The following TMEM150C variants were observed in gnomAD, a reference collection of about 807,000 sequenced individuals.
TMEM150C encodes transmembrane protein 150C.
Under a neutral mutation model 29.9 loss-of-function variants are expected in TMEM150C, and 10 were observed. The ratio of observed to expected loss-of-function variants is 0.33; its 90% CI spans 0.21 to 0.57. The LOEUF (loss-of-function observed/expected upper bound fraction) is 0.57, where lower values mean the gene tolerates loss of function less well. TMEM150C is among the 20% of genes least tolerant of loss of function. The pLI, the probability that TMEM150C is intolerant of heterozygous loss-of-function variation, is 0.88. For synonymous variants in TMEM150C, 101 were observed against 112.5 expected (o/e 0.90, Z 0.64); for missense variants, 251 against 303.6 (o/e 0.83, Z 1.29).
chr4:82,521,059 C>A (rs1270694360), intron 1 of TMEM150C, among the ~76,000 whole-genome samples: 1 of 152,162 alleles, frequency 6.6e-6, no homozygotes, highest in African/African-American at 2.4e-5. Context: ...TGTCCCCTGT[C>A]CCGCCAGAAA....
At chr4:82,537,609 T>C (rs568107813) in intron 1 of TMEM150C, among the ~76,000 whole-genome samples, 214 of 152,300 alleles carry the variant, frequency 1.4e-3, no homozygotes, top group African/African-American at 5.0e-3. Flanking sequence ...TACCTGTGAG[T>C]GTCATCTTCT....
chr4:82,532,138 T>C (rs1177341515), intron 1 of TMEM150C, among the ~76,000 whole-genome samples: 1 of 152,238 alleles, frequency 6.6e-6, no homozygotes, highest in African/African-American at 2.4e-5. Context: ...AGCATTTGTA[T>C]AGGCTGATAA....
chr4:82,493,112 T>C (rs1455247691), intron 6 of TMEM150C, among the ~76,000 whole-genome samples: 1 of 151,614 alleles, frequency 6.6e-6, no homozygotes, highest in Non-Finnish European at 1.5e-5. Flanking sequence ...GAATTGCTAT[T>C]GCCTTCAGAT....
At chr4:82,500,358 T>G (rs1490797504) in intron 5 of TMEM150C, among the ~76,000 whole-genome samples, 2 of 152,240 alleles carry the variant, frequency 1.3e-5, no homozygotes, top group Admixed American at 6.5e-5. Flanking sequence ...CCTGGGGAGA[T>G]GAAGGTATCC....
chr4:82,506,684 T>TA (rs763461314), intron 1 of TMEM150C, among the ~76,000 whole-genome samples: 1 of 152,236 alleles, frequency 6.6e-6, no homozygotes, highest in East Asian at 1.9e-4. Context: ...GTTTATATAA[T>TA]ACGGAAGAAC....
chr4:82,490,468 G>A (rs1723301599), intron 6 of TMEM150C, among the ~76,000 whole-genome samples: 1 of 152,174 alleles, frequency 6.6e-6, no homozygotes, highest in South Asian at 2.1e-4. Flanking sequence ...TGTAGAAAAA[G>A]TAAAAGAAAA....
intron 1 of TMEM150C, among the ~76,000 whole-genome samples, chr4:82,511,152 T>C (rs903480478): frequency 6.6e-6 from 1 of 152,216 alleles, no homozygotes; most frequent in African/African-American, 2.4e-5. Context: ...TAAGAGTATA[T>C]GACTTCCCTC....
At chr4:82,531,823 A>C (rs890180209) in intron 1 of TMEM150C, among the ~76,000 whole-genome samples, 3 of 151,980 alleles carry the variant, frequency 2.0e-5, no homozygotes, top group Non-Finnish European at 4.4e-5. Context: ...TTGTCATGAA[A>C]GCCAAGGAAA....
intron 1 of TMEM150C, among the ~76,000 whole-genome samples, chr4:82,512,368 C>T (rs565283356): frequency 2.0e-4 from 30 of 152,320 alleles, no homozygotes; most frequent in African/African-American, 6.5e-4. Context: ...CTCAATATCA[C>T]CTACCTCCAA....
chr4:82,501,038 C>A (rs963542237), intron 5 of TMEM150C, among the ~76,000 whole-genome samples: 1 of 152,202 alleles, frequency 6.6e-6, no homozygotes. Flanking sequence ...GGCAGAGGGG[C>A]CAGGAAAGGT....
chr4:82,527,353 C>T (rs896309854), intron 1 of TMEM150C, among the ~76,000 whole-genome samples: 2 of 152,166 alleles, frequency 1.3e-5, no homozygotes, highest in African/African-American at 2.4e-5. Flanking sequence ...GGTGCTTTCA[C>T]AGCTCGCACA....
intron 1 of TMEM150C, among the ~76,000 whole-genome samples, chr4:82,513,402 G>T (rs6535349): frequency 0.52 from 79,179 of 151,862 alleles, 22,727 homozygotes; most frequent in African/African-American, 0.76. Flanking sequence ...GAATGAGGAG[G>T]TATTGTTTAA....
chr4:82,543,323 T>A (rs766780881), intron 1 of TMEM150C, among the ~76,000 whole-genome samples: 4 of 152,202 alleles, frequency 2.6e-5, no homozygotes, highest in Non-Finnish European at 2.9e-5. Context: ...TTCAACCACA[T>A]ACAGTTTAGA....
chr4:82,522,549 TG>T (rs1239547212), intron 1 of TMEM150C, among the ~76,000 whole-genome samples: 2 of 152,194 alleles, frequency 1.3e-5, no homozygotes, highest in African/African-American at 4.8e-5. Context: ...GCACGGTGTA[TG>T]GTCTTCAGCT....
Position 82,515,466 on chromosome 4 carries a change from C to T in TMEM150C, c.-10-10799G>A, listed in dbSNP as rs1023675542. Among the ~76,000 whole-genome samples, 9 of 152,102 alleles carry T rather than the reference C, an allele frequency of 5.9e-5. 1 individual carries two copies. The highest frequency in any genetic ancestry group is 3.9e-4 in the Admixed American group (6 of 15,276). On this transcript the variant is annotated intron_variant, in intron 1 of 7. Transcript: ENST00000449862. Reference sequence around the variant, plus strand: ...TCTAAAGAAATCTCTTGGCCGGGCGCGGTGGCTCACGCTTGTAATCCCAGC... The same window carrying T: ...TCTAAAGAAATCTCTTGGCCGGGCGTGGTGGCTCACGCTTGTAATCCCAGC...
At chr4:82,514,264 C>G (rs1040760669) in intron 1 of TMEM150C, among the ~76,000 whole-genome samples, 1 of 152,334 alleles carries the variant, frequency 6.6e-6, no homozygotes, top group East Asian at 1.9e-4. Context: ...TTGCTGTGGA[C>G]CAGGGGCTGC....
chr4:82,490,875 A>G, intron 6 of TMEM150C: 1 of 698,808 alleles, frequency 1.4e-6, no homozygotes, highest in Non-Finnish European at 2.6e-6. Flanking sequence ...GAGCTTAGCA[A>G]TGTGAGCCAC....
At chr4:82,535,807 G>C (rs1724984313) in intron 1 of TMEM150C, among the ~76,000 whole-genome samples, 2 of 152,170 alleles carry the variant, frequency 1.3e-5, no homozygotes, top group African/African-American at 4.8e-5. Flanking sequence ...TTTTAAAATA[G>C]GGTTTCTCAG....
chr4:82,519,674 G>A (rs1476970529), intron 1 of TMEM150C, among the ~76,000 whole-genome samples: 3 of 152,172 alleles, frequency 2.0e-5, no homozygotes, highest in Admixed American at 6.5e-5. Context: ...TGATCCACCC[G>A]CCTCGGCCTC....
Sources: allele counts gnomAD v4.1 joint callset (sites outside exome capture counted in the v4.1 genomes callset), GRCh38; gene constraint gnomAD v4.1.1; transcripts MANE v1.5; gene names NCBI Gene and HGNC (gene_info 2026-07-23, HGNC 2026-07-21).